ADCY10: variants seen among roughly 807,000 people sequenced by gnomAD.
ADCY10 encodes adenylate cyclase type 10.
Under a neutral mutation model 183.3 loss-of-function variants are expected in ADCY10, and 156 were observed. That is an observed-to-expected ratio of 0.85 (90% CI 0.75 to 0.97). The LOEUF (loss-of-function observed/expected upper bound fraction) is 0.97, where lower values mean the gene tolerates loss of function less well. Among genes scored for constraint, ADCY10 ranks in the 50% least tolerant of loss-of-function variants. ADCY10 has a pLI of 0.00. For synonymous variants in ADCY10, 645 were observed against 670.0 expected (o/e 0.96, Z 0.58); for missense variants, 1,745 against 1,934.3 (o/e 0.90, Z 1.84).
At chr1:167,828,780 G>A (rs1180864062) in intron 26 of ADCY10, among the ~76,000 whole-genome samples, 1 of 152,136 alleles carries the variant, frequency 6.6e-6, no homozygotes, top group Non-Finnish European at 1.5e-5. Flanking sequence ...TGGCCAACAT[G>A]GTGAAACCCC....
chr1:167,875,008 G>T, intron 13 of ADCY10, 123 bp downstream of exon 13: 1 of 879,218 alleles, frequency 1.1e-6, no homozygotes, highest in African/African-American at 1.7e-5. Context: ...TTCTTAACCT[G>T]GATGATGATT....
chr1:167,860,017 G>T, intron 15 of ADCY10, 124 bp from the exon 16 acceptor site: 1 of 784,246 alleles, frequency 1.3e-6, no homozygotes, highest in South Asian at 1.5e-5. Context: ...TAGATAAGTG[G>T]TCCCAACCTT....
chr1:167,847,330 A>G (rs1175358249), intron 19 of ADCY10, among the ~76,000 whole-genome samples: 5 of 152,214 alleles, frequency 3.3e-5, no homozygotes, highest in Non-Finnish European at 2.9e-5. Context: ...TTGCTTATGG[A>G]TGGCATGAAT....
chr1:167,855,804 G>T (rs914190843), intron 17 of ADCY10, among the ~76,000 whole-genome samples: 1 of 152,078 alleles, frequency 6.6e-6, no homozygotes, highest in Admixed American at 6.6e-5. Context: ...TTGAGCCCAG[G>T]AGTTCATGAT....
intron 14 of ADCY10, among the ~76,000 whole-genome samples, chr1:167,863,778 C>A (rs1294923446): frequency 5.3e-5 from 8 of 152,250 alleles, no homozygotes; most frequent in Non-Finnish European, 1.2e-4. Context: ...CGTGGAGGAT[C>A]AACAGAGTGG....
At chr1:167,812,019 G>C (rs1662243986) in intron 31 of ADCY10, among the ~76,000 whole-genome samples, 1 of 152,224 alleles carries the variant, frequency 6.6e-6, no homozygotes, top group Non-Finnish European at 1.5e-5. Flanking sequence ...TCTTAGCACA[G>C]CTGCCTGTCC....
intron 30 of ADCY10, among the ~76,000 whole-genome samples, chr1:167,821,608 C>T (rs971906121): frequency 1.1e-4 from 16 of 152,180 alleles, no homozygotes; most frequent in African/African-American, 3.9e-4. Flanking sequence ...TTACGAAGCC[C>T]GCTTTCGTGA....
At chr1:167,841,664 CT>C (rs200310190) in intron 21 of ADCY10, among the ~76,000 whole-genome samples, 2 of 151,854 alleles carry the variant, frequency 1.3e-5, no homozygotes, top group East Asian at 3.9e-4. Flanking sequence ...CTGGCTAATT[CT>C]TTTTTTAAGA....
chr1:167,880,352 G>T, intron 10 of ADCY10, 139 bp downstream of exon 10: 1 of 952,568 alleles, frequency 1.0e-6, no homozygotes, highest in Non-Finnish European at 1.7e-6. Flanking sequence ...GCCCGGAGAT[G>T]CGAAGGAGGA....
At chr1:167,855,789 AT>A (rs1379039476) in intron 17 of ADCY10, among the ~76,000 whole-genome samples, 1 of 152,090 alleles carries the variant, frequency 6.6e-6, no homozygotes, top group Non-Finnish European at 1.5e-5. Context: ...AGATGGGAGG[AT>A]TGCTTGAGCC....
intron 14 of ADCY10, 93 bp from the exon 15 acceptor site, chr1:167,861,156 T>C: frequency 9.2e-7 from 1 of 1,089,404 alleles, no homozygotes; most frequent in South Asian, 1.4e-5. Flanking sequence ...TCTTCTCATA[T>C]TCAGCTATAA....
chr1:167,832,876 G>T, intron 25 of ADCY10, 111 bp downstream of exon 25: 2 of 1,137,862 alleles, frequency 1.8e-6, no homozygotes, highest in East Asian at 4.7e-5. Flanking sequence ...GAGCCAAACA[G>T]GAGTCCTTGT....
rs571281974 is a variant in ADCY10 at position 167,872,112 on chromosome 1, C to G, written c.1463-1702G>C. Among the ~76,000 whole-genome samples, 7 of 152,190 alleles carry G rather than the reference C, an allele frequency of 4.6e-5. No homozygotes were observed. The East Asian group carries it at 1.3e-3, about 29-fold the overall frequency. The stretch of plus-strand genomic sequence containing the variant: ...ATCCCAGCACTTTGGGAGGCCGAGG[C>G]GGGTGGATCCCCTGAGGTCAGGAGT... On this transcript the variant is annotated intron_variant, in intron 13 of 32. Coordinates refer to ENST00000367851, the MANE Select transcript of ADCY10 (RefSeq NM_018417.6).
At chr1:167,821,518 C>T (rs1239961660) in intron 30 of ADCY10, among the ~76,000 whole-genome samples, 2 of 152,254 alleles carry the variant, frequency 1.3e-5, no homozygotes, top group African/African-American at 4.8e-5. Context: ...TACAAGAGGC[C>T]TGCCTCCATG....
intron 2 of ADCY10, 119 bp from the exon 3 acceptor site, chr1:167,904,110 C>CA (rs1669653881): frequency 5.3e-6 from 3 of 563,220 alleles, no homozygotes; most frequent in Admixed American, 3.4e-5. Context: ...TTTTTTGAGA[C>CA]AGAGTCTTGC....
chr1:167,825,444 A>C (rs751301195), intron 26 of ADCY10, among the ~76,000 whole-genome samples: 8 of 151,814 alleles, frequency 5.3e-5, no homozygotes, highest in Non-Finnish European at 1.0e-4. Flanking sequence ...TGAGCTCAGG[A>C]GTTCCAGATG....
Position 167,850,662 on chromosome 1 carries a change from CGTGT to C in ADCY10, c.2309-2177_2309-2174del, listed in dbSNP as rs35744623. ...GAGGATAGCATACCAAAAAGGGGGC[CGTGT>C]GTGTGTGTGTGTGTGTGTGTGTGTG... On this transcript the variant is annotated intron_variant, in intron 18 of 32. Transcript: ENST00000367851. Among the ~76,000 whole-genome samples, 804 of 87,860 alleles carry C rather than the reference CGTGT, an allele frequency of 9.2e-3. 3 individuals carry two copies. The highest frequency in any genetic ancestry group is 0.014 in the Middle Eastern group (3 of 214). The allele number at this position is 87,860 out of a possible 152,430, so 57.6% of individuals were successfully genotyped here.
chr1:167,876,336 C>G (rs1667470899), intron 12 of ADCY10, among the ~76,000 whole-genome samples: 1 of 151,974 alleles, frequency 6.6e-6, no homozygotes, highest in Admixed American at 6.6e-5. Flanking sequence ...TTTAATTGCC[C>G]AAGACCCCAT....
At chr1:167,891,682 A>G (rs1338793368) in intron 8 of ADCY10, among the ~76,000 whole-genome samples, 2 of 150,356 alleles carry the variant, frequency 1.3e-5, no homozygotes, top group African/African-American at 2.4e-5. Context: ...GAAAGAAAGG[A>G]GAGTGTTCCC....
Sources: gnomAD v4.1 joint callset for allele counts (sites outside exome capture counted in the v4.1 genomes callset) on GRCh38, gnomAD v4.1.1 for gene constraint, MANE v1.5 for transcripts, NCBI Gene and HGNC (gene_info 2026-07-23, HGNC 2026-07-21) for gene names.